TMEM41B: variants seen among roughly 807,000 people sequenced by gnomAD.
The protein encoded by TMEM41B is transmembrane protein 41B.
A neutral mutation model predicts 31.9 loss-of-function variants in TMEM41B; 18 were observed. The ratio of observed to expected loss-of-function variants is 0.56; its 90% CI spans 0.39 to 0.84. TMEM41B has a LOEUF of 0.84. TMEM41B is among the 40% of genes least tolerant of loss of function. The pLI is 0.00. For synonymous variants in TMEM41B, 144 were observed against 124.3 expected (o/e 1.16, Z -1.05); for missense variants, 322 against 348.0 (o/e 0.93, Z 0.59).
At chr11:9,300,080 T>C (rs1417405102) in intron 1 of TMEM41B, among the ~76,000 whole-genome samples, 5 of 152,020 alleles carry the variant, frequency 3.3e-5, no homozygotes, top group African/African-American at 7.3e-5. Flanking sequence ...GATAGAGCCA[T>C]TGCACTCCAG....
chr11:9,305,231 T>C (rs1045922815), intron 1 of TMEM41B, among the ~76,000 whole-genome samples: 2 of 152,130 alleles, frequency 1.3e-5, no homozygotes, highest in Non-Finnish European at 1.5e-5. Context: ...GAGTTTTCTG[T>C]AGGCTGACAT....
chr11:9,299,683 G>A lies in TMEM41B; in HGVS notation c.140C>T (p.Ala47Val), dbSNP rs749330991. The change falls in exon 2 of 7, where the codon GCT (alanine) becomes GTT (valine). Residue 47 changes from alanine to valine, a missense_variant. Physicochemically the swap from Ala to Val is moderately conservative, Grantham distance 64. Around this residue, in one of 3 missense-constraint regions of TMEM41B, gnomAD observed 183 missense variants for 175.3 expected, o/e 1.04. Transcript: ENST00000528080. Reference protein sequence around the residue: ...DHQKEKSWVEAGSARMSLLIL... With the variant: ...DHQKEKSWVEVGSARMSLLIL... ...AAGGAGTGACATTCTTGCTGATCCAGCTTCTACCCAGGATTTTTCTGGAAG... is the reference window on the plus strand; with the variant it reads ...AAGGAGTGACATTCTTGCTGATCCAACTTCTACCCAGGATTTTTCTGGAAG... 2 of 1,608,700 alleles carry A rather than the reference G, an allele frequency of 1.2e-6. No individual in the cohort carries two copies. The highest frequency in any genetic ancestry group is 2.2e-5 in the East Asian group (1 of 44,862).
chr11:9,297,109 G>C (rs1374404863), intron 2 of TMEM41B, among the ~76,000 whole-genome samples: 1 of 152,080 alleles, frequency 6.6e-6, no homozygotes, highest in Non-Finnish European at 1.5e-5. Context: ...TTTTTAGATA[G>C]AGTCCTGCTC....
intron 6 of TMEM41B, among the ~76,000 whole-genome samples, chr11:9,284,719 C>T (rs1358893086): frequency 2.0e-5 from 3 of 151,624 alleles, no homozygotes; most frequent in African/African-American, 7.3e-5. Context: ...GCTGAGATCA[C>T]GCCACTGCAC....
At chr11:9,303,161 C>A (rs992787455) in intron 1 of TMEM41B, among the ~76,000 whole-genome samples, 1 of 151,818 alleles carries the variant, frequency 6.6e-6, no homozygotes, top group Non-Finnish European at 1.5e-5. Context: ...GGATTACAGG[C>A]ATGTGCCACC....
chr11:9,286,040 G>A (rs1031399715), intron 6 of TMEM41B, among the ~76,000 whole-genome samples: 2 of 152,046 alleles, frequency 1.3e-5, no homozygotes, highest in African/African-American at 4.8e-5. Context: ...GCTTGAACCC[G>A]GGAGGCGGAG....
intron 6 of TMEM41B, 78 bp from the exon 7 acceptor site, chr11:9,283,671 A>G (rs1169386145): frequency 2.3e-6 from 3 of 1,314,120 alleles, no homozygotes; most frequent in Non-Finnish European, 3.1e-6. Flanking sequence ...GTGTGCATAA[A>G]GTTTCTTAAA....
At chr11:9,307,939 G>A (rs948277330) in intron 1 of TMEM41B, among the ~76,000 whole-genome samples, 27 of 150,442 alleles carry the variant, frequency 1.8e-4, no homozygotes, top group Admixed American at 6.6e-5. Flanking sequence ...TAGTAGAGAC[G>A]GGGTTTCACC....
chr11:9,313,378 G>A (rs1408245681), intron 1 of TMEM41B, among the ~76,000 whole-genome samples: 1 of 152,146 alleles, frequency 6.6e-6, no homozygotes, highest in Non-Finnish European at 1.5e-5. Context: ...AGCCATCACT[G>A]GTGGTGGAAC....
In TMEM41B at chr11:9,281,349, T is replaced by C. The variant is rs1730922965; in HGVS notation, c.*2075A>G. The C allele has an allele frequency of 6.6e-6, 1 of 152,126 alleles. No homozygotes were observed. The highest frequency in any genetic ancestry group is 1.5e-5 in the Non-Finnish European group (1 of 67,990). The allele number at this position is 152,126 out of a possible 1,614,324, so 9.4% of individuals were successfully genotyped here. The stretch of plus-strand genomic sequence containing the variant: ...GAAAGGAAGAAAGCCTTGCTAGAAA[T>C]AATAAATAATCTCACGCAAAAGGCC... On this transcript the variant is annotated 3_prime_UTR_variant, in exon 7 of 7. Coordinates refer to ENST00000528080, the MANE Select transcript of TMEM41B (RefSeq NM_015012.4).
rs1160035870 is a variant in TMEM41B, at chr11:9,281,487, C to A, written c.*1937G>T. The A allele has an allele frequency of 1.3e-5, 2 of 152,156 alleles. No individual in the cohort carries two copies. The highest frequency in any genetic ancestry group is 4.8e-5 in the African/African-American group (2 of 41,436). The allele number at this position is 152,156 out of a possible 1,614,324, so 9.4% of individuals were successfully genotyped here. A position where few individuals can be genotyped will look rare whatever the true frequency, so the allele number is the denominator to read the frequency against. On this transcript the variant is annotated 3_prime_UTR_variant, in exon 7 of 7. Coordinates refer to ENST00000528080, the MANE Select transcript of TMEM41B (RefSeq NM_015012.4). ...ATCAGTCCACATCATGTAATAAAAA[C>A]AGGCTTTGAGGATGATTATACCTCT...
At chr11:9,306,657 G>T (rs1227780673) in intron 1 of TMEM41B, among the ~76,000 whole-genome samples, 1 of 151,936 alleles carries the variant, frequency 6.6e-6, no homozygotes, top group Non-Finnish European at 1.5e-5. Context: ...CCGCACTCTA[G>T]CCTGGGCGAT....
intron 3 of TMEM41B, among the ~76,000 whole-genome samples, chr11:9,291,645 C>CTG (rs1852962675): frequency 6.6e-6 from 1 of 152,048 alleles, no homozygotes; most frequent in Non-Finnish European, 1.5e-5. Context: ...CGTGATCCAC[C>CTG]CCGCTTGGCC....
intron 1 of TMEM41B, among the ~76,000 whole-genome samples, chr11:9,306,019 C>T (rs943676496): frequency 2.2e-5 from 3 of 136,988 alleles, no homozygotes; most frequent in Non-Finnish European, 4.6e-5. Flanking sequence ...TGCTCTATCA[C>T]CCAGGCTGGA....
At chr11:9,306,151 G>T (rs1355273673) in intron 1 of TMEM41B, among the ~76,000 whole-genome samples, 2 of 151,272 alleles carry the variant, frequency 1.3e-5, no homozygotes, top group Admixed American at 6.6e-5. Flanking sequence ...GCTAATTTTT[G>T]TATTTTTAGT....
chr11:9,308,053 A>G (rs1590389395), intron 1 of TMEM41B, among the ~76,000 whole-genome samples: 1 of 152,288 alleles, frequency 6.6e-6, no homozygotes, highest in East Asian at 1.9e-4. Flanking sequence ...CATTTTTTAA[A>G]AACACAACAG....
chr11:9,300,128 A>C (rs1324503182), intron 1 of TMEM41B, among the ~76,000 whole-genome samples: 1 of 152,176 alleles, frequency 6.6e-6, no homozygotes, highest in African/African-American at 2.4e-5. Flanking sequence ...TAAAAAAATA[A>C]AAACAATAAT....
chr11:9,291,089 C>T (rs539774999), intron 3 of TMEM41B, among the ~76,000 whole-genome samples: 1 of 152,144 alleles, frequency 6.6e-6, no homozygotes, highest in South Asian at 2.1e-4. Flanking sequence ...GACCTCTGGC[C>T]TGGGAAATAG....
chr11:9,299,767 G>A (rs912069627), intron 1 of TMEM41B, 66 bp from the exon 2 acceptor site: 2 of 1,146,836 alleles, frequency 1.7e-6, no homozygotes, highest in African/African-American at 1.6e-5. Flanking sequence ...AATAATTTCT[G>A]TACATGCTTT....
Sources: gnomAD v4.1 joint callset for allele counts (sites outside exome capture counted in the v4.1 genomes callset) on GRCh38, gnomAD v4.1.1 for gene constraint, gnomAD v4.1.1 regional missense constraint, MANE v1.5 for transcripts, NCBI Gene and HGNC (gene_info 2026-07-23, HGNC 2026-07-21) for gene names.